The following AMOT variants were observed in gnomAD, a reference collection of about 807,000 sequenced individuals.
AMOT encodes the protein angiomotin.
In AMOT, 11 loss-of-function variants were observed where a neutral mutation model predicts 67.0. That is an observed-to-expected ratio of 0.16 (90% CI 0.10 to 0.27). The LOEUF (loss-of-function observed/expected upper bound fraction) is 0.27, where lower values mean the gene tolerates loss of function less well. AMOT is among the 10% of genes least tolerant of loss of function. The pLI is 1.00. For synonymous variants in AMOT, 326 were observed against 321.4 expected, an observed-to-expected ratio of 1.01 and a Z score of -0.15; for missense variants, 753 against 852.0, an observed-to-expected ratio of 0.88 and a Z score of 1.45.
intron 1 of AMOT, among the ~76,000 whole-genome samples, chrX:112,835,586 CTTT>C (rs141494395): frequency 1.5e-3 from 140 of 92,325 alleles, no homozygotes; most frequent in Non-Finnish European, 1.6e-3. Flanking sequence ...TCCATCAAAT[CTTT>C]TTTTTTTTTT....
Position 112,779,069 on chromosome X carries a change from C to CAGG in AMOT, c.3082_3084dup (p.Pro1028dup), listed in dbSNP as rs147791784. ...GGTCCAGGACCGGTAGCTGGACTTG[C>CAGG]AGGAACCTCAGCCTGAGCCACAGCT... is the stretch of plus-strand genomic sequence containing the variant. On this transcript the variant is annotated inframe_insertion, in exon 13 of 14. Transcript: ENST00000371959. 85,130 of 1,208,824 alleles carry CAGG rather than the reference C, an allele frequency of 0.07. 2,299 individuals are homozygous for CAGG. The highest frequency in any genetic ancestry group is 0.079 in the Non-Finnish European group (70,548 of 893,920).
chrX:112,838,918 AC>A (rs1935210538), intron 1 of AMOT, among the ~76,000 whole-genome samples: 1 of 112,379 alleles, frequency 8.9e-6, no homozygotes, highest in South Asian at 3.7e-4. Flanking sequence ...AATAGTTGGA[AC>A]CTTAGTTATC....
intron 4 of AMOT, among the ~76,000 whole-genome samples, chrX:112,820,177 A>G (rs1174820200): frequency 8.9e-6 from 1 of 111,759 alleles, no homozygotes; most frequent in South Asian, 3.8e-4. Flanking sequence ...TTGCTTATTC[A>G]TCAAGCATTA....
Position 112,792,096 on chromosome X carries a change from C to T in AMOT, c.1777-115G>A, listed in dbSNP as rs765127643. The T allele has an allele frequency of 1.0e-5, 9 of 897,742 alleles. No homozygotes were observed. The East Asian group carries it at 2.3e-4, about 23-fold the overall frequency. The allele number at this position is 897,742 out of a possible 1,213,427, so 74.0% of individuals were successfully genotyped here. On this transcript the variant is annotated intron_variant, in intron 8 of 13. Coordinates refer to ENST00000371959, the MANE Select transcript of AMOT (RefSeq NM_001113490.2). ...TTTAGATCTCTTCTTGTTTTAGAGT[C>T]CAGCTGCAAAAAGGAATGGATGGCG... is the stretch of plus-strand genomic sequence containing the variant.
At chrX:112,807,926 T>C (rs770017343) in intron 7 of AMOT, among the ~76,000 whole-genome samples, 144 of 112,096 alleles carry the variant, frequency 1.3e-3, no homozygotes, top group Middle Eastern at 4.6e-3. Flanking sequence ...AATCAAATCA[T>C]TATAACTACA....
intron 4 of AMOT, among the ~76,000 whole-genome samples, chrX:112,818,083 G>A (rs1185405955): frequency 9.0e-6 from 1 of 111,317 alleles, no homozygotes; most frequent in African/African-American, 3.3e-5. Flanking sequence ...GTTCTCCAAT[G>A]CAGCTCTCAA....
intron 10 of AMOT, among the ~76,000 whole-genome samples, chrX:112,785,022 C>T (rs1439482125): frequency 8.9e-6 from 1 of 111,863 alleles, no homozygotes; most frequent in Non-Finnish European, 1.9e-5. Context: ...GGGCAGCCCT[C>T]AGCATCAATC....
intron 2 of AMOT, among the ~76,000 whole-genome samples, chrX:112,826,807 G>A (rs73544280): frequency 0.014 from 1,511 of 111,679 alleles, 28 homozygotes; most frequent in African/African-American, 0.046. Context: ...AACTTTTCTC[G>A]TGCAAGGTCT....
rs760480951 is a variant in AMOT, at chrX:112,780,853, G to A, written c.2473+33C>T. 1.0e-5 allele frequency: 12 copies of A among 1,176,770 alleles called. No homozygotes were observed. In the East Asian group the frequency reaches 2.1e-4, roughly 20 times the overall value. On this transcript the variant is annotated intron_variant, in intron 12 of 13. Coordinates refer to ENST00000371959, the MANE Select transcript of AMOT (RefSeq NM_001113490.2). ...TTATCTCAGGGCTCTCTTTGAACAC[G>A]TGACTATAATCTTCCTTATTTACTG...
At chrX:112,788,288 CA>C (rs34196603) in intron 10 of AMOT, among the ~76,000 whole-genome samples, 6,910 of 72,686 alleles carry the variant, frequency 0.095, 222 homozygotes, top group Middle Eastern at 0.15. Flanking sequence ...GACTCCTTCT[CA>C]AAAAAAAAAA....
At position 112,822,377 on chromosome X, in the gene AMOT, T is replaced by C. The variant is rs1346628354; in HGVS notation, c.750A>G (p.Gln250=). Residue 250 remains glutamine (Q), a synonymous_variant, in exon 4 of 14, where the codon CAA becomes CAG. Transcript: ENST00000371959. ...GCTCTTGGGGCTTGCACACTACAGA[T>C]TGGGGTGGCATGCCCTTGAAGGGAT... ...PEYPFKGMPP[Q]SVVCKPQEPG... is the part of the protein sequence containing the mutation. 1.6e-4 allele frequency: 186 copies of C among 1,164,480 alleles called. 1 individual carries two copies. The highest frequency in any genetic ancestry group is 2.1e-4 in the Non-Finnish European group (182 of 872,003).
chrX:112,792,434 A>G (rs1933644893), intron 8 of AMOT, among the ~76,000 whole-genome samples: 1 of 112,615 alleles, frequency 8.9e-6, no homozygotes, highest in Non-Finnish European at 1.9e-5. Flanking sequence ...TGGTATGGAA[A>G]GAAAGCCCAC....
intron 8 of AMOT, among the ~76,000 whole-genome samples, chrX:112,803,344 T>A (rs1057253171): frequency 1.8e-5 from 2 of 111,723 alleles, no homozygotes; most frequent in Non-Finnish European, 3.8e-5. Flanking sequence ...TGTCCTTCTC[T>A]AAAAGAATTC....
chrX:112,791,107 T>C (rs1412207894), intron 9 of AMOT, among the ~76,000 whole-genome samples: 1 of 110,507 alleles, frequency 9.0e-6, no homozygotes, highest in Non-Finnish European at 1.9e-5. Flanking sequence ...TGGCCGGGCA[T>C]GGTGGCTCAC....
rs749984951 is a variant in AMOT at position 112,809,877 on chromosome X, G to A, written c.1630+17C>T. ...CATCCACACGTTAATACCTGTTTCTGCAGCTTGCAGACTTACTTTTTGCAA... is the reference window on the plus strand; with the variant it reads ...CATCCACACGTTAATACCTGTTTCTACAGCTTGCAGACTTACTTTTTGCAA... On this transcript the variant is annotated intron_variant, in intron 7 of 13. Transcript: ENST00000371959. The A allele has an allele frequency of 5.0e-6, 6 of 1,198,972 alleles. No individual in the cohort carries two copies. Among genetic ancestry groups the A allele is most frequent in the Non-Finnish European group, 5.7e-6 (5 of 884,711 alleles).
intron 5 of AMOT, among the ~76,000 whole-genome samples, chrX:112,813,952 G>C (rs1934450977): frequency 8.9e-6 from 1 of 111,912 alleles, no homozygotes; most frequent in Non-Finnish European, 1.9e-5. Context: ...GAAAACTAAG[G>C]GACAGGGAAG....
At chrX:112,815,107 G>T (rs1474157921) in intron 5 of AMOT, among the ~76,000 whole-genome samples, 1 of 111,676 alleles carries the variant, frequency 9.0e-6, no homozygotes, top group Non-Finnish European at 1.9e-5. Context: ...GTTTTCTTTA[G>T]GGCTATAGCG....
chrX:112,833,685 T>C (rs1437391458), intron 1 of AMOT, among the ~76,000 whole-genome samples: 1 of 112,191 alleles, frequency 8.9e-6, no homozygotes, highest in African/African-American at 3.2e-5. Context: ...GAAATTCAAA[T>C]AAGCTTTGGT....
rs377126903 is a variant in AMOT at position 112,815,522 on chromosome X, T to C, written c.1228A>G (p.Met410Val). ...GCAGAGGATGGCTGAGCCCGAGGCA[T>C]AGCTGAATAGGCTTCTCCTGGCTGC... The part of the protein sequence containing the change: ...QQQPGEAYSA[M>V]PRAQPSSASY... The change falls in exon 5 of 14, where the codon ATG becomes GTG. Residue 410 changes from methionine (M) to valine (V), a missense_variant. Around this residue, in one of 5 missense-constraint regions of AMOT, gnomAD observed 297 missense variants for 284.3 expected, o/e 1.04. Transcript: ENST00000371959. The C allele has an allele frequency of 8.3e-6, 10 of 1,209,536 alleles. No individual in the cohort carries two copies. In the African/African-American group the frequency reaches 8.8e-5, roughly 11 times the overall value.
Sources: allele counts gnomAD v4.1 joint callset (sites outside exome capture counted in the v4.1 genomes callset), GRCh38; gene constraint gnomAD v4.1.1; regional missense constraint gnomAD v4.1.1; transcripts MANE v1.5; gene names NCBI Gene and HGNC (gene_info 2026-07-23, HGNC 2026-07-21).